Variants in MARCHF1 observed in about 807,000 individuals in gnomAD.
MARCHF1 encodes membrane associated ring-CH-type finger 1, also known as E3 ubiquitin-protein ligase MARCHF1.
In MARCHF1, 40 loss-of-function variants were observed where a neutral mutation model predicts 54.2. The observed-to-expected ratio is 0.74, with a 90% CI of 0.57 to 0.96. The LOEUF is 0.96. MARCHF1 is among the 40% of genes least tolerant of loss of function. The pLI is 0.00. For synonymous variants in MARCHF1, 236 were observed against 236.3 expected (o/e 1.00, Z 0.01); for missense variants, 586 against 656.5 (o/e 0.89, Z 1.17).
intron 3 of MARCHF1, among the ~76,000 whole-genome samples, chr4:163,966,635 C>T (rs982851248): frequency 2.0e-5 from 3 of 152,118 alleles, no homozygotes; most frequent in Non-Finnish European, 2.9e-5. Flanking sequence ...TTCCATATGT[C>T]AGGCACTGTC....
intron 4 of MARCHF1, among the ~76,000 whole-genome samples, chr4:163,711,296 T>C (rs774935289): frequency 7.9e-5 from 12 of 152,154 alleles, no homozygotes; most frequent in Non-Finnish European, 1.6e-4. Flanking sequence ...TTCCACTGAG[T>C]TTTAAGATCT....
At chr4:163,751,173 GTT>G in intron 4 of MARCHF1, among the ~76,000 whole-genome samples, 1 of 138,100 alleles carries the variant, frequency 7.2e-6, no homozygotes, top group Non-Finnish European at 1.6e-5. Context: ...GTGTGTGTGT[GTT>G]TGAGACAGAG....
chr4:163,722,561 T>C (rs553117511), intron 4 of MARCHF1, among the ~76,000 whole-genome samples: 9 of 152,236 alleles, frequency 5.9e-5, no homozygotes, highest in South Asian at 4.2e-4. Context: ...TGGTGCAGAG[T>C]TGAGTTCAGT....
chr4:163,957,670 C>G (rs138767650), intron 3 of MARCHF1, among the ~76,000 whole-genome samples: 2 of 151,930 alleles, frequency 1.3e-5, no homozygotes, highest in Admixed American at 1.3e-4. Flanking sequence ...AAGGAAATAG[C>G]TCTATTTGTC....
chr4:163,843,836 G>T (rs1401080043), intron 4 of MARCHF1, among the ~76,000 whole-genome samples: 1 of 151,754 alleles, frequency 6.6e-6, no homozygotes, highest in Non-Finnish European at 1.5e-5. Flanking sequence ...GGTGTGAGAT[G>T]GTATGTCATT....
At chr4:163,873,715 T>C (rs903869018) in intron 3 of MARCHF1, among the ~76,000 whole-genome samples, 10 of 152,216 alleles carry the variant, frequency 6.6e-5, no homozygotes, top group Non-Finnish European at 1.5e-4. Context: ...AAAAAATTCC[T>C]TTCCCTTCCT....
At chr4:164,310,700 C>T (rs988269948) in intron 1 of MARCHF1, among the ~76,000 whole-genome samples, 10 of 151,934 alleles carry the variant, frequency 6.6e-5, no homozygotes, top group Non-Finnish European at 1.5e-4. Flanking sequence ...GGAGAAATTA[C>T]ATAGCTGCTT....
intron 3 of MARCHF1, among the ~76,000 whole-genome samples, chr4:163,907,107 T>C (rs938165374): frequency 6.6e-6 from 1 of 152,062 alleles, no homozygotes; most frequent in African/African-American, 2.4e-5. Context: ...CCTTTTTCCA[T>C]ACTTTCCTTG....
intron 3 of MARCHF1, among the ~76,000 whole-genome samples, chr4:163,862,969 C>T (rs1749973071): frequency 6.6e-6 from 1 of 151,990 alleles, no homozygotes; most frequent in Non-Finnish European, 1.5e-5. Flanking sequence ...CTGAAAGGTG[C>T]TACTTTCTGT....
chr4:164,334,263 A>G (rs1358051607), intron 1 of MARCHF1, among the ~76,000 whole-genome samples: 1 of 152,208 alleles, frequency 6.6e-6, no homozygotes, highest in Admixed American at 6.5e-5. Context: ...TAGGAGTTTC[A>G]TAGATAGAGA....
intron 3 of MARCHF1, among the ~76,000 whole-genome samples, chr4:163,898,805 A>G (rs1347221463): frequency 6.6e-6 from 1 of 152,210 alleles, no homozygotes; most frequent in Non-Finnish European, 1.5e-5. Flanking sequence ...TCAACGATTG[A>G]CTGGATAAAG....
intron 1 of MARCHF1, among the ~76,000 whole-genome samples, chr4:164,358,054 G>A (rs1415968308): frequency 6.6e-6 from 1 of 152,194 alleles, no homozygotes; most frequent in South Asian, 2.1e-4. Context: ...ATAAATACAA[G>A]ATGAATCACT....
intron 1 of MARCHF1, among the ~76,000 whole-genome samples, chr4:164,252,394 C>A (rs1733154454): frequency 6.6e-6 from 1 of 152,032 alleles, no homozygotes; most frequent in Non-Finnish European, 1.5e-5. Context: ...TTGAGCTAAT[C>A]CCAAGGAATG....
At chr4:164,082,537 C>A (rs999952238) in intron 2 of MARCHF1, among the ~76,000 whole-genome samples, 3 of 152,134 alleles carry the variant, frequency 2.0e-5, no homozygotes, top group African/African-American at 7.2e-5. Flanking sequence ...TTAAAATTTT[C>A]ATTTCATTAA....
At chr4:164,174,401 C>G (rs919399747) in intron 1 of MARCHF1, among the ~76,000 whole-genome samples, 1 of 152,176 alleles carries the variant, frequency 6.6e-6, no homozygotes, top group Non-Finnish European at 1.5e-5. Flanking sequence ...TCTGCCCTTT[C>G]TAAAATTATT....
rs183789213 is a variant in MARCHF1 at position 164,278,869 on chromosome 4, G to A, written c.-323+105001C>T. Among the ~76,000 whole-genome samples, 266 of 152,062 alleles carry A rather than the reference G, an allele frequency of 1.7e-3. 1 individual carries two copies. Among genetic ancestry groups the A allele is most frequent in the African/African-American group, 3.7e-3 (154 of 41,504 alleles). On this transcript the variant is annotated intron_variant, in intron 1 of 9. Coordinates refer to ENST00000514618, the MANE Select transcript of MARCHF1 (RefSeq NM_001394959.1). ...TATTGTATTTTATTTTTTCCCCAGC[G>A]TTTAGACTACACAATGAGTTAAGAA...
intron 2 of MARCHF1, among the ~76,000 whole-genome samples, chr4:163,993,813 T>C (rs555644648): frequency 3.9e-5 from 6 of 152,242 alleles, no homozygotes; most frequent in African/African-American, 1.4e-4. Flanking sequence ...ATGTTAGAAG[T>C]AATCAAAATA....
intron 4 of MARCHF1, among the ~76,000 whole-genome samples, chr4:163,815,926 C>G (rs1748520521): frequency 6.6e-6 from 1 of 152,100 alleles, no homozygotes; most frequent in African/African-American, 2.4e-5. Flanking sequence ...TTTCACTTCC[C>G]CTTTTTATGG....
chr4:164,215,920 A>G, intron 1 of MARCHF1, among the ~76,000 whole-genome samples: 1 of 152,230 alleles, frequency 6.6e-6, no homozygotes, highest in East Asian at 1.9e-4. Flanking sequence ...TAAAAAGATA[A>G]AATTGTTGAA....
Sources: gnomAD v4.1 joint callset for allele counts (sites outside exome capture counted in the v4.1 genomes callset) on GRCh38, gnomAD v4.1.1 for gene constraint, MANE v1.5 for transcripts, NCBI Gene and HGNC (gene_info 2026-07-23, HGNC 2026-07-21) for gene names.